MAP2K1: variants seen among roughly 807,000 people sequenced by gnomAD.
MAP2K1 encodes the protein mitogen-activated protein kinase kinase 1.
In MAP2K1, 16 loss-of-function variants were observed where a neutral mutation model predicts 46.3. That is an observed-to-expected ratio of 0.35 (90% confidence interval 0.23 to 0.52). The LOEUF (loss-of-function observed/expected upper bound fraction) is 0.52, where lower values mean the gene tolerates loss of function less well. Ranked by LOEUF, MAP2K1 falls within the 20% of genes least tolerant of loss-of-function variation. The probability of loss-of-function intolerance (pLI) is 0.94; values close to 1 mark genes in which losing one functional copy is unlikely to be tolerated. For missense variants in MAP2K1, 263 were observed against 497.1 expected (o/e 0.53, Z 4.48); for synonymous variants, 183 against 185.6 (o/e 0.99, Z 0.11).
intron 5 of MAP2K1, among the ~76,000 whole-genome samples, chr15:66,481,297 C>T (rs920993558): frequency 3.9e-5 from 6 of 152,152 alleles, no homozygotes; most frequent in Non-Finnish European, 1.5e-5. Context: ...TGGGAATTCC[C>T]GCCAAACCCT....
chr15:66,484,043 T>G (rs901588329), intron 6 of MAP2K1, among the ~76,000 whole-genome samples: 2 of 151,492 alleles, frequency 1.3e-5, no homozygotes, highest in African/African-American at 4.9e-5. Context: ...CCACCGCGCC[T>G]GGCTGTACAT....
At chr15:66,416,971 C>T (rs1421714364) in intron 1 of MAP2K1, among the ~76,000 whole-genome samples, 3 of 152,166 alleles carry the variant, frequency 2.0e-5, no homozygotes, top group Non-Finnish European at 4.4e-5. Flanking sequence ...CCAGCTGCAC[C>T]TCTACATGCT....
In MAP2K1 at chr15:66,404,167, A is replaced by G. The variant is rs186459385; in HGVS notation, c.80+16740A>G. 3.4e-3 allele frequency among the ~76,000 whole-genome samples: 518 copies of G among 152,316 alleles called. 5 individuals are homozygous for G. The highest frequency in any genetic ancestry group is 6.8e-3 in the Middle Eastern group (2 of 294). ...CTGATAAAACTAGGTCATTGGAGCCAAGGAAAGGTACCGTTCACTAAAGGA... is the reference window on the plus strand; with the variant it reads ...CTGATAAAACTAGGTCATTGGAGCCGAGGAAAGGTACCGTTCACTAAAGGA... On this transcript the variant is annotated intron_variant, in intron 1 of 10. Transcript: ENST00000307102.
intron 8 of MAP2K1, chr15:66,488,830 T>TC (rs1335690308): frequency 1.4e-5 from 4 of 284,224 alleles, no homozygotes; most frequent in African/African-American, 6.6e-5. Flanking sequence ...CATGCCGCAC[T>TC]CCAAGATTTA....
chr15:66,463,627 C>T lies in MAP2K1; in HGVS notation c.569-18128C>T, dbSNP rs61679948. ...CCTCCCGAGTAGCCGGGATTACAGGCGCCTGCCACTACGCCCGGCTAATTT... is the reference window on the plus strand; with the variant it reads ...CCTCCCGAGTAGCCGGGATTACAGGTGCCTGCCACTACGCCCGGCTAATTT... On this transcript the variant is annotated intron_variant, in intron 5 of 10. Transcript: ENST00000307102. Among the ~76,000 whole-genome samples, 1,312 of 152,292 alleles carry T rather than the reference C, an allele frequency of 8.6e-3. 27 individuals are homozygous for T. Among genetic ancestry groups the T allele is most frequent in the African/African-American group, 0.03 (1,248 of 41,552 alleles).
chr15:66,456,261 A>G (rs967278497), intron 5 of MAP2K1, among the ~76,000 whole-genome samples: 2 of 152,204 alleles, frequency 1.3e-5, no homozygotes, highest in Admixed American at 1.3e-4. Context: ...ACTCTTGTAT[A>G]TTGTGGAACA....
chr15:66,387,499 C>A (rs1235847635), intron 1 of MAP2K1, 72 bp downstream of exon 1: 8 of 1,443,396 alleles, frequency 5.5e-6, no homozygotes, highest in Non-Finnish European at 6.7e-6. Flanking sequence ...GGAGCGCGCG[C>A]CAGGCTCCGA....
intron 5 of MAP2K1, among the ~76,000 whole-genome samples, chr15:66,464,901 T>G (rs1892423208): frequency 6.6e-6 from 1 of 151,494 alleles, no homozygotes; most frequent in Middle Eastern, 3.2e-3. Flanking sequence ...TGATAAAAAT[T>G]GAAAAACTAG....
At chr15:66,442,136 T>C (rs1254449930) in intron 3 of MAP2K1, among the ~76,000 whole-genome samples, 2 of 152,222 alleles carry the variant, frequency 1.3e-5, no homozygotes, top group African/African-American at 4.8e-5. Context: ...TCATGTCATC[T>C]CATCTCCTTA....
At chr15:66,487,694 A>T (rs1441764336) in intron 8 of MAP2K1, among the ~76,000 whole-genome samples, 2 of 152,184 alleles carry the variant, frequency 1.3e-5, no homozygotes, top group African/African-American at 2.4e-5. Flanking sequence ...CTTTATACTA[A>T]GCACCATGGG....
rs192504037 is a variant in MAP2K1, at chr15:66,457,949, G to A, written c.568+13242G>A. Among the ~76,000 whole-genome samples, 25 of 149,004 alleles carry A rather than the reference G, an allele frequency of 1.7e-4. No individual in the cohort carries two copies. In the East Asian group the frequency reaches 4.7e-3, roughly 28 times the overall value. ...CTGCACTCCAGCCTGGGTAACAAGA[G>A]CAAGACTGTCTCAGAAAAAAAAAAA... On this transcript the variant is annotated intron_variant, in intron 5 of 10. Coordinates refer to ENST00000307102, the MANE Select transcript of MAP2K1 (RefSeq NM_002755.4).
intron 1 of MAP2K1, chr15:66,401,885 G>T: frequency 1.2e-6 from 1 of 868,830 alleles, no homozygotes; most frequent in South Asian, 1.4e-5. Context: ...GTGCAGAGAA[G>T]CCAGCAAGTA....
At chr15:66,426,939 T>C (rs544578701) in intron 1 of MAP2K1, among the ~76,000 whole-genome samples, 6 of 152,352 alleles carry the variant, frequency 3.9e-5, no homozygotes, top group South Asian at 2.1e-4. Flanking sequence ...TCTCGTGTTA[T>C]ATGGTTTGAA....
intron 5 of MAP2K1, among the ~76,000 whole-genome samples, chr15:66,458,313 C>T (rs12050736): frequency 0.85 from 128,743 of 152,188 alleles, 55,747 homozygotes; most frequent in East Asian, 1. Context: ...AAAAGCGTTG[C>T]ATGATTTAGA....
chr15:66,485,142 T>C lies in MAP2K1; in HGVS notation c.846T>C (p.Asp282=). ...ELMFGCQVEG[D]AAETPPRPRT... is the part of the protein sequence containing the mutation. The stretch of plus-strand genomic sequence containing the variant: ...TGTTTGGGTGCCAGGTGGAAGGAGA[T>C]GCGGCTGAGACCCCACCCAGGCCAA... Residue 282 remains aspartate (D), a synonymous_variant, in exon 7 of 11, where the codon GAT becomes GAC. Coordinates refer to ENST00000307102, the MANE Select transcript of MAP2K1 (RefSeq NM_002755.4). The C allele has an allele frequency of 6.2e-7, 1 of 1,613,988 alleles. No homozygotes were observed. The highest frequency in any genetic ancestry group is 2.2e-5 in the East Asian group (1 of 44,874).
intron 3 of MAP2K1, among the ~76,000 whole-genome samples, chr15:66,441,254 C>T (rs1228479019): frequency 6.6e-6 from 1 of 152,220 alleles, no homozygotes; most frequent in Admixed American, 6.5e-5. Context: ...GCATGAGCCA[C>T]TGCACCTGGT....
chr15:66,429,158 G>T (rs988073922), intron 1 of MAP2K1, among the ~76,000 whole-genome samples: 5 of 152,134 alleles, frequency 3.3e-5, no homozygotes, highest in Admixed American at 3.3e-4. Flanking sequence ...ACAAGACTGG[G>T]TAATTTATAA....
At chr15:66,441,766 A>AT (rs1223095053) in intron 3 of MAP2K1, among the ~76,000 whole-genome samples, 1 of 151,590 alleles carries the variant, frequency 6.6e-6, no homozygotes, top group East Asian at 1.9e-4. Flanking sequence ...AAAAAAAAAA[A>AT]CCTAGTTCTT....
At chr15:66,422,906 T>C (rs1385509927) in intron 1 of MAP2K1, among the ~76,000 whole-genome samples, 1 of 152,000 alleles carries the variant, frequency 6.6e-6, no homozygotes, top group African/African-American at 2.4e-5. Context: ...TGCTCTGTTC[T>C]GATTTCTTTT....
Sources: allele counts gnomAD v4.1 joint callset (sites outside exome capture counted in the v4.1 genomes callset), GRCh38; gene constraint gnomAD v4.1.1; transcripts MANE v1.5; gene names NCBI Gene and HGNC (gene_info 2026-07-23, HGNC 2026-07-21).